Variants in GLI3 observed in about 807,000 individuals in gnomAD.
GLI3 encodes transcription activator GLI3.
GLI3 carries 20 observed loss-of-function variants against 100.8 expected under a neutral mutation model. The observed-to-expected ratio is 0.20, with a 90% confidence interval of 0.14 to 0.29. The LOEUF is 0.29. GLI3 is among the 10% of genes least tolerant of loss of function. The probability of loss-of-function intolerance (pLI) is 1.00; values close to 1 mark genes in which losing one functional copy is unlikely to be tolerated. For missense variants in GLI3, 2,040 were observed against 2,128.5 expected (o/e 0.96, Z 0.82); for synonymous variants, 938 against 860.5 (o/e 1.09, Z -1.58).
At chr7:42,170,287 T>TATATATATATATACACACAC (rs1452471645) in intron 2 of GLI3, among the ~76,000 whole-genome samples, 1 of 124,004 alleles carries the variant, frequency 8.1e-6, no homozygotes, top group Admixed American at 8.1e-5. Flanking sequence ...TATATATATA[T>TATATATATATATACACACAC]ACACACACAT....
intron 5 of GLI3, among the ~76,000 whole-genome samples, chr7:42,045,959 G>T (rs117099835): frequency 2.0e-5 from 3 of 152,278 alleles, no homozygotes; most frequent in Non-Finnish European, 4.4e-5. Context: ...TTTCTGACAA[G>T]AGTGTCTGAG....
At chr7:42,216,005 C>G (rs1025373923) in intron 2 of GLI3, among the ~76,000 whole-genome samples, 3 of 152,082 alleles carry the variant, frequency 2.0e-5, no homozygotes, top group Non-Finnish European at 4.4e-5. Context: ...CAAATTATAC[C>G]CATAAGAGTC....
At chr7:42,121,895 T>C (rs1786008685) in intron 3 of GLI3, among the ~76,000 whole-genome samples, 1 of 152,166 alleles carries the variant, frequency 6.6e-6, no homozygotes, top group Admixed American at 6.5e-5. Context: ...GCATTGGTAA[T>C]AAATAAGCCC....
At chr7:42,068,822 A>G (rs1168228511) in intron 4 of GLI3, among the ~76,000 whole-genome samples, 1 of 152,196 alleles carries the variant, frequency 6.6e-6, no homozygotes, top group Non-Finnish European at 1.5e-5. Flanking sequence ...GGCTGCAGGG[A>G]GCTTCAGTTT....
chr7:42,239,822 A>G (rs76134496), upstream of GLI3, among the ~76,000 whole-genome samples: 4,815 of 152,318 alleles, frequency 0.032, 134 homozygotes, highest in African/African-American at 0.076. Flanking sequence ...ACCCATACAT[A>G]TAAGTAGGCA....
chr7:42,187,410 G>A (rs1296623263), intron 2 of GLI3, among the ~76,000 whole-genome samples: 5 of 152,072 alleles, frequency 3.3e-5, no homozygotes, highest in African/African-American at 9.7e-5. Context: ...GTTTATCACT[G>A]AAGATGATGG....
chr7:42,154,430 A>G (rs1786953380), intron 2 of GLI3, among the ~76,000 whole-genome samples: 1 of 152,244 alleles, frequency 6.6e-6, no homozygotes, highest in Non-Finnish European at 1.5e-5. Context: ...AACAAGACAC[A>G]GAGCATAATC....
At chr7:42,202,438 C>T (rs1158820603) in intron 2 of GLI3, among the ~76,000 whole-genome samples, 2 of 151,776 alleles carry the variant, frequency 1.3e-5, no homozygotes, top group Non-Finnish European at 2.9e-5. Flanking sequence ...AACATGCTTC[C>T]TGGTTCTAAA....
At chr7:42,100,986 T>C (rs993050965) in intron 3 of GLI3, among the ~76,000 whole-genome samples, 4 of 152,180 alleles carry the variant, frequency 2.6e-5, no homozygotes, top group Non-Finnish European at 5.9e-5. Flanking sequence ...GAGCCCCCAG[T>C]CTGTGGTACC....
intron 3 of GLI3, among the ~76,000 whole-genome samples, chr7:42,096,816 GCCATCAA>G (rs1264485057): frequency 6.6e-6 from 1 of 152,198 alleles, no homozygotes; most frequent in African/African-American, 2.4e-5. Context: ...AGGGCCTGGT[GCCATCAA>G]AGATAGGTTA....
chr7:42,041,603 C>T (rs540679890), intron 6 of GLI3, among the ~76,000 whole-genome samples: 25 of 152,092 alleles, frequency 1.6e-4, no homozygotes, highest in Admixed American at 1.6e-3. Flanking sequence ...GGCAATTTTG[C>T]GGTACCCAGA....
At chr7:42,025,235 C>A (rs762375119) in intron 9 of GLI3, 29 bp downstream of exon 9, 5 of 1,442,906 alleles carry the variant, frequency 3.5e-6, no homozygotes, top group Non-Finnish European at 4.9e-6. Context: ...GAGGAGTGGG[C>A]GCTGGCCTGT....
intron 3 of GLI3, among the ~76,000 whole-genome samples, chr7:42,080,125 A>G (rs1784968650): frequency 6.6e-6 from 1 of 152,150 alleles, no homozygotes; most frequent in Non-Finnish European, 1.5e-5. Flanking sequence ...CAGGGTTTAA[A>G]TTTTCTCTCT....
At chr7:42,113,528 G>A (rs1484249827) in intron 3 of GLI3, 3 of 1,169,312 alleles carry the variant, frequency 2.6e-6, no homozygotes, top group Non-Finnish European at 3.8e-6. Flanking sequence ...AAAGGGAAAA[G>A]CTGATGCTGG....
Position 41,978,759 on chromosome 7 carries a change from GA to G in GLI3, c.1498-12del. 1 of 1,612,508 alleles carries G rather than the reference GA, an allele frequency of 6.2e-7. No homozygotes were observed. The highest frequency in any genetic ancestry group is 8.5e-7 in the Non-Finnish European group (1 of 1,178,682). On this transcript the variant is annotated splice_polypyrimidine_tract_variant and intron_variant, in intron 10 of 14. Transcript: ENST00000395925. ...GTCGTTATTTATATGCTGGGGTTTGGAAAAAGAGAGAGAAATCAAATGGAAA... is the reference window on the plus strand; with the variant it reads ...GTCGTTATTTATATGCTGGGGTTTGGAAAAGAGAGAGAAATCAAATGGAAA...
chr7:42,179,783 T>C (rs539002080), intron 2 of GLI3, among the ~76,000 whole-genome samples: 4 of 152,058 alleles, frequency 2.6e-5, no homozygotes, highest in Non-Finnish European at 4.4e-5. Context: ...TGTTCCACCG[T>C]TGGGAGCCTG....
intron 10 of GLI3, among the ~76,000 whole-genome samples, chr7:41,982,970 G>A (rs921812775): frequency 5.3e-5 from 8 of 152,226 alleles, no homozygotes; most frequent in African/African-American, 1.9e-4. Context: ...TTACAGGGCT[G>A]TAAGCAGCCA....
intron 2 of GLI3, among the ~76,000 whole-genome samples, chr7:42,155,815 G>T (rs1786988746): frequency 6.6e-6 from 1 of 152,164 alleles, no homozygotes; most frequent in African/African-American, 2.4e-5. Flanking sequence ...AGAGCAAGCT[G>T]CCTCCTGTAT....
chr7:42,139,717 C>T (rs1786519874), intron 3 of GLI3, among the ~76,000 whole-genome samples: 1 of 152,204 alleles, frequency 6.6e-6, no homozygotes, highest in Non-Finnish European at 1.5e-5. Context: ...CAAAGGAATG[C>T]AGCAGCACAT....
Sources: gnomAD v4.1 joint callset for allele counts (sites outside exome capture counted in the v4.1 genomes callset) on GRCh38, gnomAD v4.1.1 for gene constraint, MANE v1.5 for transcripts, NCBI Gene and HGNC (gene_info 2026-07-23, HGNC 2026-07-21) for gene names.